Variants in NELL1 observed in about 807,000 individuals in gnomAD.
NELL1 encodes protein kinase C-binding protein NELL1.
Under a neutral mutation model 107.4 loss-of-function variants are expected in NELL1, and 76 were observed. The observed-to-expected ratio is 0.71, with a 90% CI of 0.59 to 0.86. The LOEUF (loss-of-function observed/expected upper bound fraction) is 0.86. Among genes scored for constraint, NELL1 ranks in the 40% least tolerant of loss-of-function variants. The pLI is 0.00. For missense variants in NELL1, 1,024 were observed against 1,005.5 expected, an observed-to-expected ratio of 1.02 and a Z score of -0.25; for synonymous variants, 353 against 341.2, an observed-to-expected ratio of 1.03 and a Z score of -0.38.
chr11:21,313,913 C>T lies in NELL1; in HGVS notation c.1550-56940C>T, dbSNP rs116836937. ...TGGATATCTTGTGAACAGTTTAGCA[C>T]CATCCACTTTGTGCTGTTCTTGTGA... On this transcript the variant is annotated intron_variant, in intron 14 of 19. Transcript: ENST00000357134. Among the ~76,000 whole-genome samples the T allele has an allele frequency of 9.0e-3, 1,361 of 151,382 alleles. 23 individuals are homozygous for T. The highest frequency in any genetic ancestry group is 0.031 in the African/African-American group (1,299 of 41,266).
At chr11:21,270,483 C>G (rs1488663245) in intron 14 of NELL1, among the ~76,000 whole-genome samples, 2 of 152,022 alleles carry the variant, frequency 1.3e-5, no homozygotes, top group Non-Finnish European at 2.9e-5. Context: ...AAAAGATATA[C>G]ACAATCTTTT....
intron 1 of NELL1, among the ~76,000 whole-genome samples, chr11:20,674,811 G>C (rs1001042467): frequency 6.6e-6 from 1 of 152,208 alleles, no homozygotes; most frequent in African/African-American, 2.4e-5. Flanking sequence ...GGTGGTTGAA[G>C]CCTTGCCCAA....
intron 2 of NELL1, among the ~76,000 whole-genome samples, chr11:20,749,988 A>G (rs529090180): frequency 3.2e-4 from 48 of 152,234 alleles, no homozygotes; most frequent in African/African-American, 1.1e-3. Context: ...TGGGACAGAG[A>G]GTAGATGTAA....
intron 15 of NELL1, among the ~76,000 whole-genome samples, chr11:21,503,694 G>T (rs1855207342): frequency 6.6e-6 from 1 of 151,956 alleles, no homozygotes; most frequent in South Asian, 2.1e-4. Context: ...TGGGTCGCTG[G>T]GTATAAATCC....
chr11:21,465,165 G>A (rs755276136), intron 15 of NELL1, among the ~76,000 whole-genome samples: 5 of 152,046 alleles, frequency 3.3e-5, no homozygotes, highest in Non-Finnish European at 7.4e-5. Flanking sequence ...AGGTGATATA[G>A]GGGCCATCAC....
intron 15 of NELL1, among the ~76,000 whole-genome samples, chr11:21,384,776 T>C (rs1283606285): frequency 6.6e-6 from 1 of 152,006 alleles, no homozygotes; most frequent in African/African-American, 2.4e-5. Flanking sequence ...GGACATGAAC[T>C]CATCATTTTT....
intron 15 of NELL1, among the ~76,000 whole-genome samples, chr11:21,477,558 T>C (rs1854368047): frequency 6.6e-6 from 1 of 152,076 alleles, no homozygotes. Flanking sequence ...TCCCTTCAAA[T>C]ACCTGGAAAG....
intron 5 of NELL1, among the ~76,000 whole-genome samples, chr11:20,903,650 C>T (rs1280949745): frequency 6.6e-6 from 1 of 152,018 alleles, no homozygotes; most frequent in Non-Finnish European, 1.5e-5. Context: ...TAATTAGTGA[C>T]TTTTTAGATT....
chr11:21,098,800 C>T (rs147312812), intron 12 of NELL1, among the ~76,000 whole-genome samples: 238 of 152,152 alleles, frequency 1.6e-3, no homozygotes, highest in Non-Finnish European at 2.5e-3. Context: ...TCCTTTGCTA[C>T]CCTCTACCCT....
intron 15 of NELL1, among the ~76,000 whole-genome samples, chr11:21,460,959 G>A (rs1453107462): frequency 6.6e-6 from 1 of 152,060 alleles, no homozygotes; most frequent in African/African-American, 2.4e-5. Flanking sequence ...TTGACATGTA[G>A]TGAAATGTGA....
intron 14 of NELL1, among the ~76,000 whole-genome samples, chr11:21,277,790 G>T (rs895152219): frequency 2.6e-5 from 4 of 152,080 alleles, no homozygotes. Flanking sequence ...TCAGCAAACT[G>T]TTGCAAGGAC....
At chr11:21,283,826 A>G (rs1590803237) in intron 14 of NELL1, 1 of 199,744 alleles carries the variant, frequency 5.0e-6, no homozygotes, top group East Asian at 1.2e-4. Flanking sequence ...TGTGAAGGCA[A>G]TTTTCCAACC....
chr11:21,256,064 T>C (rs1240624929), intron 14 of NELL1, among the ~76,000 whole-genome samples: 1 of 152,020 alleles, frequency 6.6e-6, no homozygotes, highest in South Asian at 2.1e-4. Context: ...GCTGTGATTC[T>C]CTTAAGAACA....
chr11:20,708,157 A>G (rs1182122398), intron 2 of NELL1, among the ~76,000 whole-genome samples: 1 of 152,216 alleles, frequency 6.6e-6, no homozygotes, highest in African/African-American at 2.4e-5. Context: ...GGCACAGGAT[A>G]TAATCTCCTA....
chr11:20,879,605 G>A (rs1849370277), intron 4 of NELL1, among the ~76,000 whole-genome samples: 1 of 152,062 alleles, frequency 6.6e-6, no homozygotes, highest in South Asian at 2.1e-4. Context: ...GTCAGGTGGG[G>A]CGGGGGTTTG....
At chr11:20,831,660 T>G (rs1858012482) in intron 3 of NELL1, among the ~76,000 whole-genome samples, 1 of 152,210 alleles carries the variant, frequency 6.6e-6, no homozygotes, top group Non-Finnish European at 1.5e-5. Context: ...CAGAGCCATC[T>G]CATCTACTTT....
intron 12 of NELL1, among the ~76,000 whole-genome samples, chr11:21,038,069 T>C (rs1853139250): frequency 6.6e-6 from 1 of 152,194 alleles, no homozygotes; most frequent in African/African-American, 2.4e-5. Flanking sequence ...TACTATGTAT[T>C]GGCAACTGAA....
At chr11:21,364,410 CAAAAAA>C (rs71034511) in intron 14 of NELL1, among the ~76,000 whole-genome samples, 3 of 75,636 alleles carry the variant, frequency 4.0e-5, no homozygotes, top group Non-Finnish European at 2.2e-5. Context: ...GACTCTGTCT[CAAAAAA>C]AAAAAAAAAA....
intron 2 of NELL1, among the ~76,000 whole-genome samples, chr11:20,719,040 A>G (rs1855317213): frequency 6.6e-6 from 1 of 152,250 alleles, no homozygotes; most frequent in African/African-American, 2.4e-5. Context: ...AGCATCTTCT[A>G]GAAGTGTATC....
Sources: allele counts gnomAD v4.1 joint callset (sites outside exome capture counted in the v4.1 genomes callset), GRCh38; gene constraint gnomAD v4.1.1; transcripts MANE v1.5; gene names NCBI Gene and HGNC (gene_info 2026-07-23, HGNC 2026-07-21).